SOBP: variants seen among roughly 807,000 people sequenced by gnomAD.
SOBP encodes sine oculis-binding protein homolog.
In SOBP, 4 loss-of-function variants were observed where a neutral mutation model predicts 53.6. The ratio of observed to expected loss-of-function variants is 0.07; its 90% CI spans 0.04 to 0.17. The LOEUF (loss-of-function observed/expected upper bound fraction) is 0.17. Among genes scored for constraint, SOBP ranks in the 10% least tolerant of loss-of-function variants. The probability of loss-of-function intolerance (pLI) is 1.00; values close to 1 mark genes in which losing one functional copy is unlikely to be tolerated. For synonymous variants in SOBP, 584 were observed against 522.6 expected, an observed-to-expected ratio of 1.12 and a Z score of -1.60; for missense variants, 1,088 against 1,204.7, an observed-to-expected ratio of 0.90 and a Z score of 1.43.
At chr6:107,631,952 C>T (rs1331547740) in intron 5 of SOBP, among the ~76,000 whole-genome samples, 5 of 152,178 alleles carry the variant, frequency 3.3e-5, no homozygotes, top group Non-Finnish European at 5.9e-5. Context: ...CCCACATCTG[C>T]CAAGTGCGTG....
chr6:107,656,287 AAAAGAAAGAAAGAAAGAAAG>A (rs1184787226), intron 6 of SOBP, among the ~76,000 whole-genome samples: 3 of 124,266 alleles, frequency 2.4e-5, no homozygotes, highest in African/African-American at 9.5e-5. Flanking sequence ...AGAAAGAAAG[AAAAGAAAGAAAGAAAGAAAG>A]AAAGAAAGAA....
At chr6:107,492,512 G>C (rs555648693) in intron 1 of SOBP, among the ~76,000 whole-genome samples, 3 of 152,302 alleles carry the variant, frequency 2.0e-5, no homozygotes, top group East Asian at 3.9e-4. Context: ...TGTGCTCGAT[G>C]CTTGGGGCTC....
chr6:107,625,698 G>A (rs941861276), intron 5 of SOBP, among the ~76,000 whole-genome samples: 6 of 152,200 alleles, frequency 3.9e-5, no homozygotes, highest in African/African-American at 1.4e-4. Context: ...AAAGTCCCTG[G>A]CGTGGGGGTT....
intron 5 of SOBP, among the ~76,000 whole-genome samples, chr6:107,627,560 C>T (rs945543300): frequency 1.3e-5 from 2 of 152,128 alleles, no homozygotes; most frequent in Non-Finnish European, 2.9e-5. Flanking sequence ...GTTCTTTAGC[C>T]TCTCCTTGAG....
At chr6:107,514,034 T>G (rs779691127) in intron 3 of SOBP, 3 of 152,656 alleles carry the variant, frequency 2.0e-5, no homozygotes, top group Non-Finnish European at 4.4e-5. Flanking sequence ...AGCTGATATT[T>G]GAACCTATAC....
chr6:107,516,974 T>A (rs558402645), intron 3 of SOBP, among the ~76,000 whole-genome samples: 2 of 152,306 alleles, frequency 1.3e-5, no homozygotes, highest in Non-Finnish European at 2.9e-5. Context: ...CTAATTCTGA[T>A]AAAAATCCTG....
chr6:107,491,120 G>C (rs966432551), intron 1 of SOBP, among the ~76,000 whole-genome samples: 2 of 152,092 alleles, frequency 1.3e-5, no homozygotes, highest in African/African-American at 4.8e-5. Flanking sequence ...ACCCCGGAGA[G>C]AGCTCTATTC....
Position 107,582,608 on chromosome 6 carries a change from T to G in SOBP, c.574-4472T>G, listed in dbSNP as rs1274630666. On this transcript the variant is annotated intron_variant, in intron 4 of 6. Coordinates refer to ENST00000317357, the MANE Select transcript of SOBP (RefSeq NM_018013.4). Reference sequence around the variant, plus strand: ...TAATAGGTCAAAAATGCACCTTTGTTCTGACAATCACATTTGTAGTAAAAT... The same window carrying G: ...TAATAGGTCAAAAATGCACCTTTGTGCTGACAATCACATTTGTAGTAAAAT... 2.6e-5 allele frequency among the ~76,000 whole-genome samples: 4 copies of G among 152,308 alleles called. No homozygotes were observed. The East Asian group carries it at 5.8e-4, about 22-fold the overall frequency.
At chr6:107,569,006 C>G (rs72945622) in intron 4 of SOBP, among the ~76,000 whole-genome samples, 7,312 of 152,048 alleles carry the variant, frequency 0.048, 264 homozygotes, top group Middle Eastern at 0.12. Flanking sequence ...CTCTTCTTAC[C>G]TGGAAAACAG....
At chr6:107,622,651 G>C (rs1437233657) in intron 5 of SOBP, among the ~76,000 whole-genome samples, 2 of 152,058 alleles carry the variant, frequency 1.3e-5, no homozygotes. Flanking sequence ...CTAACACAGA[G>C]AACTAAAATA....
At chr6:107,509,240 C>G (rs922422084) in intron 3 of SOBP, among the ~76,000 whole-genome samples, 4 of 151,796 alleles carry the variant, frequency 2.6e-5, no homozygotes, top group African/African-American at 4.8e-5. Context: ...ACTAAAAATA[C>G]AAAATTAGCT....
In SOBP at chr6:107,512,732, A is replaced by T. The variant is rs769249478; in HGVS notation, c.421+6305A>T. ...TCCATGACAACATTTTGCTCCCAAA[A>T]TTTTTTTTTTAAATTAATAAAACTA... On this transcript the variant is annotated intron_variant, in intron 3 of 6. Coordinates refer to ENST00000317357, the MANE Select transcript of SOBP (RefSeq NM_018013.4). 9.4e-4 allele frequency among the ~76,000 whole-genome samples: 142 copies of T among 151,336 alleles called. 1 individual carries two copies. The highest frequency in any genetic ancestry group is 1.6e-3 in the Non-Finnish European group (106 of 67,706).
chr6:107,557,072 T>C (rs1784632284), intron 4 of SOBP, among the ~76,000 whole-genome samples: 1 of 152,240 alleles, frequency 6.6e-6, no homozygotes, highest in Non-Finnish European at 1.5e-5. Context: ...CTTTACCAGT[T>C]CTTATATTTG....
At chr6:107,510,790 G>A (rs1249899191) in intron 3 of SOBP, 1 of 152,110 alleles carries the variant, frequency 6.6e-6, no homozygotes, top group Non-Finnish European at 1.5e-5. Context: ...CAAATAAAGG[G>A]TACAGTGGCT....
At chr6:107,513,395 A>G (rs1783227166) in intron 3 of SOBP, among the ~76,000 whole-genome samples, 1 of 152,224 alleles carries the variant, frequency 6.6e-6, no homozygotes, top group Non-Finnish European at 1.5e-5. Flanking sequence ...GTGATCTGCT[A>G]ACCTCTATGT....
chr6:107,617,106 T>A (rs2115112481), intron 5 of SOBP, among the ~76,000 whole-genome samples: 1 of 152,298 alleles, frequency 6.6e-6, no homozygotes, highest in South Asian at 2.1e-4. Context: ...CCTAACAGCA[T>A]GCAGGCATGG....
At chr6:107,543,450 A>G (rs1784209446) in intron 4 of SOBP, among the ~76,000 whole-genome samples, 1 of 152,140 alleles carries the variant, frequency 6.6e-6, no homozygotes, top group Non-Finnish European at 1.5e-5. Flanking sequence ...CTGAATTGGG[A>G]GGGTGGGCTA....
chr6:107,619,348 GA>G (rs1345332224), intron 5 of SOBP, among the ~76,000 whole-genome samples: 3 of 152,176 alleles, frequency 2.0e-5, no homozygotes, highest in African/African-American at 7.2e-5. Context: ...TTCTGTTTTT[GA>G]AAAGCTGGGG....
At chr6:107,577,179 G>A (rs986039004) in intron 4 of SOBP, among the ~76,000 whole-genome samples, 8 of 152,240 alleles carry the variant, frequency 5.3e-5, no homozygotes, top group Admixed American at 1.3e-4. Context: ...AGGTCATGAC[G>A]AAGGGTGTGT....
Sources: allele counts gnomAD v4.1 joint callset (sites outside exome capture counted in the v4.1 genomes callset), GRCh38; gene constraint gnomAD v4.1.1; transcripts MANE v1.5; gene names NCBI Gene and HGNC (gene_info 2026-07-23, HGNC 2026-07-21).